ADCY3: variants seen among roughly 807,000 people sequenced by gnomAD.
ADCY3 encodes adenylate cyclase 3.
Under a neutral mutation model 119.4 loss-of-function variants are expected in ADCY3, and 70 were observed. The ratio of observed to expected loss-of-function variants is 0.59; its 90% confidence interval spans 0.48 to 0.72. The LOEUF is 0.72. Among genes scored for constraint, ADCY3 ranks in the 30% least tolerant of loss-of-function variants. ADCY3 has a pLI of 0.00. For synonymous variants in ADCY3, 672 were observed against 621.4 expected (o/e 1.08, Z -1.21); for missense variants, 1,238 against 1,541.6 (o/e 0.80, Z 3.30).
At position 24,819,898 on chromosome 2, in the gene ADCY3, C is replaced by A; in HGVS notation, c.*34G>T. On this transcript the variant is annotated 3_prime_UTR_variant, in exon 22 of 22. Transcript: ENST00000679454. ...TTCAGTTTCAAAAAATAAATTCTCCCTTCCGGTTTGGACTGTTGCAGGCTC... is the reference window on the plus strand; with the variant it reads ...TTCAGTTTCAAAAAATAAATTCTCCATTCCGGTTTGGACTGTTGCAGGCTC... 1 of 1,601,682 alleles carries A rather than the reference C, an allele frequency of 6.2e-7. No homozygotes were observed. The highest frequency in any genetic ancestry group is 8.5e-7 in the Non-Finnish European group (1 of 1,174,372).
At chr2:24,889,518 G>A (rs1320157151) in intron 2 of ADCY3, among the ~76,000 whole-genome samples, 1 of 152,190 alleles carries the variant, frequency 6.6e-6, no homozygotes, top group Non-Finnish European at 1.5e-5. Context: ...GCAGGCTTCA[G>A]CTGCAAAACA....
chr2:24,837,265 GA>G (rs1220224027), intron 8 of ADCY3, among the ~76,000 whole-genome samples: 1 of 152,212 alleles, frequency 6.6e-6, no homozygotes, highest in Admixed American at 6.5e-5. Context: ...ACTGAGATGG[GA>G]AGACCGAGGG....
chr2:24,821,384 G>A (rs1411448020), intron 20 of ADCY3, 133 bp downstream of exon 20: 13 of 1,305,260 alleles, frequency 1.0e-5, no homozygotes, highest in South Asian at 2.8e-5. Context: ...AGGTCTCCTT[G>A]CCCTGTGAGT....
intron 7 of ADCY3, among the ~76,000 whole-genome samples, chr2:24,839,642 G>A (rs951400969): frequency 1.3e-5 from 2 of 152,228 alleles, no homozygotes; most frequent in Non-Finnish European, 2.9e-5. Context: ...GCAGGGTCCA[G>A]GAAGGAAAAG....
At chr2:24,839,192 T>G (rs1220746468) in intron 7 of ADCY3, among the ~76,000 whole-genome samples, 1 of 152,144 alleles carries the variant, frequency 6.6e-6, no homozygotes, top group Admixed American at 6.5e-5. Flanking sequence ...TCTACCCACC[T>G]CGGCCTCCCA....
chr2:24,886,422 T>C (rs981848197), intron 2 of ADCY3, among the ~76,000 whole-genome samples: 5 of 152,106 alleles, frequency 3.3e-5, no homozygotes, highest in African/African-American at 1.2e-4. Context: ...TGAGCCTCCT[T>C]GCGCTACATC....
chr2:24,851,526 C>T lies in ADCY3; in HGVS notation c.826-9142G>A, dbSNP rs114496373. ...TCTGTTACACATCCCAAAGGGTTAG[C>T]GGTAGACCCTGAACCCAGGGCTCTG... On this transcript the variant is annotated intron_variant, in intron 3 of 21. Coordinates refer to ENST00000679454, the MANE Select transcript of ADCY3 (RefSeq NM_004036.5). Among the ~76,000 whole-genome samples, 212 of 152,268 alleles carry T rather than the reference C, an allele frequency of 1.4e-3. 4 individuals are homozygous for T. Among genetic ancestry groups the T allele is most frequent in the African/African-American group, 4.9e-3 (203 of 41,548 alleles).
chr2:24,869,959 A>G (rs1447581768), intron 3 of ADCY3, among the ~76,000 whole-genome samples: 2 of 152,094 alleles, frequency 1.3e-5, no homozygotes, highest in Non-Finnish European at 2.9e-5. Context: ...ATCCTTCCCA[A>G]TGGTAACAGT....
intron 3 of ADCY3, among the ~76,000 whole-genome samples, chr2:24,862,050 G>A (rs979265449): frequency 6.6e-6 from 1 of 152,124 alleles, no homozygotes; most frequent in Admixed American, 6.5e-5. Flanking sequence ...CCCCAAAAAC[G>A]CTGGCAGAGG....
chr2:24,855,191 C>T (rs1379773528), intron 3 of ADCY3, among the ~76,000 whole-genome samples: 1 of 74,524 alleles, frequency 1.3e-5, no homozygotes, highest in Admixed American at 1.0e-4. Flanking sequence ...AGCCCCAGGT[C>T]CCCCCCACCC....
Position 24,834,764 on chromosome 2 carries a change from T to TG in ADCY3, c.1805+29dup. 6.2e-7 allele frequency: 1 copy of TG among 1,604,818 alleles called. No individual in the cohort carries two copies. The highest frequency in any genetic ancestry group is 1.1e-5 in the South Asian group (1 of 90,918). On this transcript the variant is annotated intron_variant, in intron 10 of 21. Transcript: ENST00000679454. The surrounding 1 kb of genome is among the most constrained non-coding windows in gnomAD (Gnocchi z 4.2). Reference sequence around the variant, plus strand: ...CCTTGTCAGGGCCCGGGAGGAGTGGTGGGCCTGGACGCTTCCGGGTGGCGC... The same window carrying TG: ...CCTTGTCAGGGCCCGGGAGGAGTGGTGGGGCCTGGACGCTTCCGGGTGGCGC...
intron 11 of ADCY3, among the ~76,000 whole-genome samples, chr2:24,833,723 G>C (rs1669914967): frequency 6.6e-6 from 1 of 152,212 alleles, no homozygotes; most frequent in Admixed American, 6.5e-5. Flanking sequence ...CTTATGGAAT[G>C]AGTGAATTTG....
At position 24,828,144 on chromosome 2, in the gene ADCY3, G is replaced by T; in HGVS notation, c.2190C>A (p.Tyr730Ter). Residue 730 changes from tyrosine to a stop codon, truncating the protein, a stop_gained, in exon 14 of 22, where the codon TAC (tyrosine) becomes TAA (stop). Transcript: ENST00000679454. LOFTEE classifies it high-confidence loss of function. Reference protein sequence around the residue: ...NVVDMLSCLQYYTGPSNATAG... With the variant: ...NVVDMLSCLQ The stretch of plus-strand genomic sequence containing the variant: ...CCGTTGCATTGCTGGGTCCCGTGTA[G>T]TACTGGAGACAGCTGAGCTGGAGGC... 1.2e-6 allele frequency: 2 copies of T among 1,613,906 alleles called. No homozygotes were observed. Among genetic ancestry groups the T allele is most frequent in the Non-Finnish European group, 1.7e-6 (2 of 1,180,024 alleles).
At chr2:24,877,900 C>T in intron 2 of ADCY3, 2 of 471,190 alleles carry the variant, frequency 4.2e-6, no homozygotes, top group Non-Finnish European at 8.8e-6. Context: ...ACTGCCCAGT[C>T]CCGGGTCCTG....
chr2:24,820,930 G>A (rs1558392885), intron 20 of ADCY3, 82 bp from the exon 21 acceptor site: 5 of 1,549,914 alleles, frequency 3.2e-6, no homozygotes, highest in East Asian at 4.5e-5. Flanking sequence ...CTCCAGACCT[G>A]TACCACAAAG....
chr2:24,835,280 C>T (rs980864047), intron 9 of ADCY3, among the ~76,000 whole-genome samples: 2 of 152,178 alleles, frequency 1.3e-5, no homozygotes, highest in East Asian at 1.9e-4. Context: ...GCAGTCCTGG[C>T]ACTTCCTGCT....
rs199982429 is a variant in ADCY3, at chr2:24,841,315, C to T, written c.1140G>A (p.Arg380=). 4 of 1,586,944 alleles carry T rather than the reference C, an allele frequency of 2.5e-6. No individual in the cohort carries two copies. In the East Asian group the frequency reaches 9.1e-5, roughly 36 times the overall value. ...YYCICGLPDY[R]EDHAVCSILM... ...GGATGGAGCAGACGGCGTGGTCCTC[C>T]CGGTAGTCGGGCAAGCCGCAGATGC... The change falls in exon 6 of 22, where the codon CGG becomes CGA. Residue 380 remains arginine, a synonymous_variant. Coordinates refer to ENST00000679454, the MANE Select transcript of ADCY3 (RefSeq NM_004036.5). This position sits in a 1 kb window ranked among gnomAD's most constrained non-coding sequence, Gnocchi z 5.8.
rs187800936 is a variant in ADCY3, at chr2:24,880,701, G to A, written c.676-7982C>T. Among the ~76,000 whole-genome samples, 221 of 152,308 alleles carry A rather than the reference G, an allele frequency of 1.5e-3. 1 individual carries two copies. The highest frequency in any genetic ancestry group is 3.4e-4 in the Non-Finnish European group (23 of 68,030). Reference sequence around the variant, plus strand: ...CACTCCCCCGCAAAAGCATCACACAGCCACATCCTTGCAGAGTATAAAGTC... The same window carrying A: ...CACTCCCCCGCAAAAGCATCACACAACCACATCCTTGCAGAGTATAAAGTC... On this transcript the variant is annotated intron_variant, in intron 2 of 21. Transcript: ENST00000679454.
chr2:24,820,244 C>T, intron 21 of ADCY3, 130 bp from the exon 22 acceptor site: 1 of 1,196,152 alleles, frequency 8.4e-7, no homozygotes, highest in Non-Finnish European at 1.1e-6. Flanking sequence ...ACTCCCCAAA[C>T]CTCCCAGGGC....
Sources: gnomAD v4.1 joint callset for allele counts (sites outside exome capture counted in the v4.1 genomes callset) on GRCh38, gnomAD v4.1.1 for gene constraint, Gnocchi (gnomAD v3.1) non-coding constraint, MANE v1.5 for transcripts, NCBI Gene and HGNC (gene_info 2026-07-23, HGNC 2026-07-21) for gene names.